ATP2B1: variants seen among roughly 807,000 people sequenced by gnomAD.
ATP2B1 encodes ATPase plasma membrane Ca2+ transporting 1.
ATP2B1 carries 14 observed loss-of-function variants against 124.2 expected under a neutral mutation model. The ratio of observed to expected loss-of-function variants is 0.11; its 90% CI spans 0.07 to 0.18. The LOEUF is 0.18. Among genes scored for constraint, ATP2B1 ranks in the 10% least tolerant of loss-of-function variants. The probability of loss-of-function intolerance (pLI) is 1.00; values close to 1 mark genes in which losing one functional copy is unlikely to be tolerated. For synonymous variants in ATP2B1, 449 were observed against 492.4 expected, an observed-to-expected ratio of 0.91 and a Z score of 1.17; for missense variants, 763 against 1,466.1, an observed-to-expected ratio of 0.52 and a Z score of 7.83.
intron 20 of ATP2B1, chr12:89,598,749 A>AGG: frequency 1.2e-6 from 2 of 1,613,814 alleles, no homozygotes; most frequent in Non-Finnish European, 1.7e-6. Flanking sequence ...TCCATCTGCA[A>AGG]GGAATCAGAG....
At chr12:89,628,157 T>C (rs2681490) in intron 6 of ATP2B1, among the ~76,000 whole-genome samples, 144,849 of 152,132 alleles carry the variant, frequency 0.95, 69,032 homozygotes, top group East Asian at 0.99. Context: ...AATCCCAGCA[T>C]TTTGGGAGGC....
chr12:89,671,306 AAGGACGATCATTAG>A (rs1355436528), intron 1 of ATP2B1, among the ~76,000 whole-genome samples: 1 of 152,202 alleles, frequency 6.6e-6, no homozygotes, highest in East Asian at 1.9e-4. Flanking sequence ...ATCGTCTTCT[AAGGACGATCATTAG>A]AAGAGGAAAA....
At chr12:89,683,497 G>C (rs1017857240) in intron 1 of ATP2B1, among the ~76,000 whole-genome samples, 2 of 152,220 alleles carry the variant, frequency 1.3e-5, no homozygotes, top group African/African-American at 4.8e-5. Flanking sequence ...TACATGTCTG[G>C]TTGACAGTCT....
chr12:89,604,414 C>G, intron 15 of ATP2B1, 68 bp from the exon 16 acceptor site: 1 of 1,265,344 alleles, frequency 7.9e-7, no homozygotes, highest in South Asian at 1.5e-5. Flanking sequence ...TCAAAAAATA[C>G]ACACTTAATA....
At chr12:89,634,146 T>C (rs1325729371) in intron 5 of ATP2B1, among the ~76,000 whole-genome samples, 3 of 152,130 alleles carry the variant, frequency 2.0e-5, no homozygotes, top group African/African-American at 7.2e-5. Context: ...TTTCAAACAG[T>C]ATCCTCACCT....
chr12:89,655,571 T>C (rs767216795), intron 2 of ATP2B1, 108 bp downstream of exon 2: 2 of 1,078,416 alleles, frequency 1.9e-6, no homozygotes, highest in African/African-American at 1.6e-5. Context: ...TCACTATAAT[T>C]ATGTCATAAT....
At chr12:89,627,537 G>A (rs1439943064) in intron 7 of ATP2B1, 141 bp downstream of exon 7, 22 of 827,052 alleles carry the variant, frequency 2.7e-5, no homozygotes, top group Non-Finnish European at 3.3e-5. Flanking sequence ...GACACCGGCA[G>A]GAAGAAAGGT....
chr12:89,664,207 A>G (rs1887031088), intron 1 of ATP2B1, among the ~76,000 whole-genome samples: 1 of 152,160 alleles, frequency 6.6e-6, no homozygotes, highest in East Asian at 1.9e-4. Flanking sequence ...TTTAGTCTAT[A>G]AAGAAATATG....
chr12:89,697,061 CT>C (rs1383018431), intron 1 of ATP2B1, among the ~76,000 whole-genome samples: 3 of 47,896 alleles, frequency 6.3e-5, no homozygotes, highest in Non-Finnish European at 1.2e-4. Context: ...ATTCTACTTC[CT>C]TCAAAAAAAA....
chr12:89,700,273 C>A (rs1891687029), intron 1 of ATP2B1, among the ~76,000 whole-genome samples: 1 of 152,124 alleles, frequency 6.6e-6, no homozygotes, highest in Non-Finnish European at 1.5e-5. Context: ...GAGGAGCTCC[C>A]TTTCCTAGGC....
intron 15 of ATP2B1, among the ~76,000 whole-genome samples, chr12:89,607,025 TA>T (rs1877043821): frequency 2.0e-5 from 3 of 152,154 alleles, no homozygotes; most frequent in Non-Finnish European, 2.9e-5. Flanking sequence ...GGTATTCAAA[TA>T]AAAACTAGTT....
chr12:89,600,761 G>T (rs1271670958), intron 19 of ATP2B1, among the ~76,000 whole-genome samples: 2 of 150,820 alleles, frequency 1.3e-5, no homozygotes, highest in Non-Finnish European at 2.9e-5. Flanking sequence ...CGATTCTCCT[G>T]CCTCAGCCTC....
At chr12:89,642,892 AC>A (rs1459909306) in intron 2 of ATP2B1, among the ~76,000 whole-genome samples, 1 of 152,096 alleles carries the variant, frequency 6.6e-6, no homozygotes, top group Admixed American at 6.6e-5. Flanking sequence ...AATGTGAGCC[AC>A]CATGCCTGGC....
At chr12:89,689,324 T>A (rs1201388659) in intron 1 of ATP2B1, among the ~76,000 whole-genome samples, 1 of 152,122 alleles carries the variant, frequency 6.6e-6, no homozygotes, top group Admixed American at 6.6e-5. Flanking sequence ...TGGTCCTGAT[T>A]TCCTAGTGTC....
At chr12:89,696,850 G>T (rs945386077) in intron 1 of ATP2B1, among the ~76,000 whole-genome samples, 11 of 152,060 alleles carry the variant, frequency 7.2e-5, no homozygotes, top group African/African-American at 2.7e-4. Flanking sequence ...AAATTGCTTT[G>T]AACAGTACCA....
At chr12:89,607,919 A>C (rs190394118) in intron 15 of ATP2B1, among the ~76,000 whole-genome samples, 2 of 152,286 alleles carry the variant, frequency 1.3e-5, no homozygotes, top group East Asian at 3.9e-4. Context: ...AGCAGAACAC[A>C]CACTTTATCT....
chr12:89,642,343 T>C lies in ATP2B1; in HGVS notation c.221A>G (p.Asn74Ser). Residue 74 changes from asparagine (N) to serine (S), a missense_variant, in exon 3 of 21, where the codon AAC becomes AGC. Physicochemically the swap from Asn to Ser is conservative, Grantham distance 46. Transcript: ENST00000428670. Reference sequence around the variant, plus strand: ...TTCTCTTCTTTCTAAATCTGCAGGGTTTCCACTTAAACCTAATAAAAAGAA... The same window carrying C: ...TTCTCTTCTTTCTAAATCTGCAGGGCTTCCACTTAAACCTAATAAAAAGAA... ...KTSPNEGLSGNPADLERREAV... is the reference protein window; with the variant it reads ...KTSPNEGLSGSPADLERREAV... The C allele has an allele frequency of 6.2e-7, 1 of 1,612,310 alleles. No homozygotes were observed. The highest frequency in any genetic ancestry group is 1.1e-5 in the South Asian group (1 of 90,718).
At chr12:89,651,960 G>A (rs994422630) in intron 2 of ATP2B1, among the ~76,000 whole-genome samples, 48 of 152,150 alleles carry the variant, frequency 3.2e-4, no homozygotes, top group African/African-American at 1.2e-3. Flanking sequence ...CCATCATAAG[G>A]ATAGCCTATC....
At chr12:89,609,668 A>T (rs1294754335) in intron 15 of ATP2B1, among the ~76,000 whole-genome samples, 1 of 152,198 alleles carries the variant, frequency 6.6e-6, no homozygotes, top group African/African-American at 2.4e-5. Flanking sequence ...GAGTTGACAG[A>T]CATTAAAAAA....
Sources: gnomAD v4.1 joint callset for allele counts (sites outside exome capture counted in the v4.1 genomes callset) on GRCh38, gnomAD v4.1.1 for gene constraint, MANE v1.5 for transcripts, NCBI Gene and HGNC (gene_info 2026-07-23, HGNC 2026-07-21) for gene names.